Variants in USP20 observed in about 807,000 individuals in gnomAD.
USP20 encodes ubiquitin carboxyl-terminal hydrolase 20.
A neutral mutation model predicts 124.2 loss-of-function variants in USP20; 80 were observed. The observed-to-expected ratio is 0.64, with a 90% CI of 0.54 to 0.78. The LOEUF (loss-of-function observed/expected upper bound fraction) is 0.78. USP20 is among the 30% of genes least tolerant of loss of function. The pLI, the probability that USP20 is intolerant of heterozygous loss-of-function variation, is 0.00. For missense variants in USP20, 1,043 were observed against 1,244.4 expected, an observed-to-expected ratio of 0.84 and a Z score of 2.44; for synonymous variants, 481 against 512.3, an observed-to-expected ratio of 0.94 and a Z score of 0.83.
At chr9:129,854,113 G>A (rs1306869314) in intron 3 of USP20, among the ~76,000 whole-genome samples, 1 of 152,214 alleles carries the variant, frequency 6.6e-6, no homozygotes, top group African/African-American at 2.4e-5. Context: ...TAATGAAATA[G>A]GATGATACCA....
intron 1 of USP20, among the ~76,000 whole-genome samples, chr9:129,836,904 T>C (rs2031883354): frequency 6.6e-6 from 1 of 152,114 alleles, no homozygotes; most frequent in African/African-American, 2.4e-5. Flanking sequence ...GCTCTCACGC[T>C]CTCAGAGGTG....
At chr9:129,860,862 C>A (rs897880279) in intron 6 of USP20, 75 bp from the exon 7 acceptor site, 3 of 1,486,586 alleles carry the variant, frequency 2.0e-6, no homozygotes, top group Non-Finnish European at 1.9e-6. Context: ...GGACTTCCAG[C>A]CCTTGGGAGA....
chr9:129,875,068 G>T, intron 19 of USP20, 113 bp downstream of exon 19: 1 of 1,457,450 alleles, frequency 6.9e-7, no homozygotes, highest in East Asian at 2.4e-5. Context: ...AGGGAAGTAA[G>T]GACTTGGATT....
In USP20 at chr9:129,870,464, C is replaced by G. The variant is rs1208941076; in HGVS notation, c.1577C>G (p.Ser526Cys). The change falls in exon 15 of 26, where the codon TCC becomes TGC. Residue 526 changes from serine (S) to cysteine (C), a missense_variant. Coordinates refer to ENST00000372429, the MANE Select transcript of USP20 (RefSeq NM_001110303.4). ...TTTTCTGTCTGTAGGTTTGTGGTAT[C>G]CTGTACCCCCAGCTGGTTTTGGGGG... ...IVEYIRRFVV[S>C]CTPSWFWGPV... is the part of the protein sequence containing the mutation. 1 of 1,614,032 alleles carries G rather than the reference C, an allele frequency of 6.2e-7. No individual in the cohort carries two copies. Among genetic ancestry groups the G allele is most frequent in the Non-Finnish European group, 8.5e-7 (1 of 1,180,030 alleles).
intron 1 of USP20, among the ~76,000 whole-genome samples, chr9:129,844,418 G>T (rs1036319065): frequency 2.0e-5 from 3 of 151,922 alleles, no homozygotes; most frequent in Non-Finnish European, 4.4e-5. Context: ...TTGAGCTCTG[G>T]AGTTTGAGAC....
Position 129,879,469 on chromosome 9 carries a change from G to A in USP20, c.2513-104G>A, listed in dbSNP as rs957983081. 1.3e-5 allele frequency: 16 copies of A among 1,187,852 alleles called. No homozygotes were observed. The highest frequency in any genetic ancestry group is 1.1e-4 in the African/African-American group (7 of 66,058). 73.6% of individuals were successfully genotyped at this position (1,187,852 alleles called of 1,614,324 possible). A position where few individuals can be genotyped will look rare whatever the true frequency, so the allele number is the denominator to read the frequency against. ...GCGCCTCATCCATTAGAGACTTCACGCTGACCCCCAGGCCTGGGGCGGCCC... is the reference window on the plus strand; with the variant it reads ...GCGCCTCATCCATTAGAGACTTCACACTGACCCCCAGGCCTGGGGCGGCCC... On this transcript the variant is annotated intron_variant, in intron 23 of 25. Coordinates refer to ENST00000372429, the MANE Select transcript of USP20 (RefSeq NM_001110303.4). This position sits in a 1 kb window ranked among gnomAD's most constrained non-coding sequence, Gnocchi z 4.2.
At chr9:129,846,247 A>ATATATATATGTATTTTTTTTTT in intron 1 of USP20, among the ~76,000 whole-genome samples, 59 of 32,682 alleles carry the variant, frequency 1.8e-3, no homozygotes, top group Non-Finnish European at 2.6e-3. Flanking sequence ...ATATATATAT[A>ATATATATATGTATTTTTTTTTT]TTTTTTTTTT....
rs201626785 is a variant in USP20, at chr9:129,858,059, C to G, written c.145C>G (p.Pro49Ala). The G allele has an allele frequency of 7.5e-4, 1,210 of 1,613,954 alleles. 1 individual carries two copies. Among genetic ancestry groups the G allele is most frequent in the Non-Finnish European group, 9.9e-4 (1,163 of 1,179,944 alleles). Residue 49 changes from proline (P) to alanine (A), a missense_variant, in exon 5 of 26, where the codon CCC becomes GCC. Pro to Ala is a conservative substitution (Grantham distance 27, BLOSUM62 -1). Transcript: ENST00000372429. ...TTCCCTCTCTTCCCAGGTTGCCTGC[C>G]CCTATGTTGGCTGCGGAGAATCCTT... ...NLWACLQVACPYVGCGESFAD... is the reference protein window; with the variant it reads ...NLWACLQVACAYVGCGESFAD...
intron 11 of USP20, 129 bp downstream of exon 11, chr9:129,868,578 G>T: frequency 2.8e-6 from 4 of 1,441,614 alleles, no homozygotes; most frequent in Non-Finnish European, 2.7e-6. Context: ...CAGTGGGGAA[G>T]TCAGCCTCCG....
At position 129,863,187 on chromosome 9, in the gene USP20, C is replaced by A; in HGVS notation, c.499C>A (p.Pro167Thr). 1 of 1,529,528 alleles carries A rather than the reference C, an allele frequency of 6.5e-7. No homozygotes were observed. The highest frequency in any genetic ancestry group is 8.9e-7 in the Non-Finnish European group (1 of 1,129,842). The allele number at this position is 1,529,528 out of a possible 1,614,324, so 94.7% of individuals were successfully genotyped here. A position where few individuals can be genotyped will look rare whatever the true frequency, so the allele number is the denominator to read the frequency against. ...TGGCTCTCTCTCCCCTGCACCCAGC[C>A]CGCCGCTGACTCAGTTCTTCTTGGA... ...NAALQALSNC[P>T]PLTQFFLECG... The change falls in exon 9 of 26, where the codon CCG (proline) becomes ACG (threonine). Residue 167 changes from proline (P) to threonine (T), a missense_variant and splice_region_variant. Coordinates refer to ENST00000372429, the MANE Select transcript of USP20 (RefSeq NM_001110303.4).
intron 1 of USP20, 57 bp from the exon 2 acceptor site, chr9:129,849,756 G>C (rs7027714): frequency 0.15 from 22,709 of 152,360 alleles, 2,263 homozygotes; most frequent in African/African-American, 0.28. Context: ...CGAGCAAGAG[G>C]CTGTCTTAAA....
chr9:129,853,094 C>T (rs2033015467), intron 3 of USP20, among the ~76,000 whole-genome samples: 1 of 152,138 alleles, frequency 6.6e-6, no homozygotes, highest in Non-Finnish European at 1.5e-5. Context: ...ACAAATGAAA[C>T]AGGACAAAAA....
Position 129,868,450 on chromosome 9 carries a change from G to T in USP20, c.1135+1G>T. 1 of 1,608,858 alleles carries T rather than the reference G, an allele frequency of 6.2e-7. No individual in the cohort carries two copies. The highest frequency in any genetic ancestry group is 8.5e-7 in the Non-Finnish European group (1 of 1,177,170). On this transcript the variant is annotated splice_donor_variant, in intron 11 of 25. Transcript: ENST00000372429. LOFTEE classifies it high-confidence loss of function. The stretch of plus-strand genomic sequence containing the variant: ...TCCTCCAGCCCCTGCCGGACGCCAG[G>T]TATCAGCTGGCCGGGGACTGCGGGA...
In USP20 at chr9:129,875,432, C is replaced by T. The variant is rs766157763; in HGVS notation, c.2171C>T (p.Ala724Val). 43 of 1,613,728 alleles carry T rather than the reference C, an allele frequency of 2.7e-5. No homozygotes were observed. Among genetic ancestry groups the T allele is most frequent in the African/African-American group, 8.0e-5 (6 of 75,042 alleles). The change falls in exon 20 of 26, where the codon GCG becomes GTG. Residue 724 changes from alanine (A) to valine (V), a missense_variant. Ala to Val is a moderately conservative substitution (Grantham distance 64). Coordinates refer to ENST00000372429, the MANE Select transcript of USP20 (RefSeq NM_001110303.4). ...REWLNKFNTFAEPGPITNQTF... is the reference protein window; with the variant it reads ...REWLNKFNTFVEPGPITNQTF... ...TGGCTCAACAAGTTCAACACCTTCG[C>T]GGAGCCAGGCCCCATCACCAACCAG...
At chr9:129,853,386 T>C (rs141888349) in intron 3 of USP20, among the ~76,000 whole-genome samples, 144 of 152,344 alleles carry the variant, frequency 9.5e-4, no homozygotes, top group African/African-American at 3.2e-3. Context: ...TCATATTTCA[T>C]CATGTGGCCA....
chr9:129,870,047 C>T (rs2034038817), intron 14 of USP20: 1 of 651,642 alleles, frequency 1.5e-6, no homozygotes, highest in Non-Finnish European at 2.6e-6. Flanking sequence ...TTGGATAGTC[C>T]CTTGGAGCTG....
intron 22 of USP20, among the ~76,000 whole-genome samples, chr9:129,878,096 C>T (rs2034482550): frequency 1.3e-5 from 2 of 152,168 alleles, no homozygotes; most frequent in Admixed American, 6.5e-5. Flanking sequence ...CCCTTGTGGT[C>T]TCAGTTGGGT....
At chr9:129,866,261 A>C (rs1057263007) in intron 10 of USP20, among the ~76,000 whole-genome samples, 4 of 152,158 alleles carry the variant, frequency 2.6e-5, no homozygotes, top group Admixed American at 2.0e-4. Context: ...CCCAGGATGA[A>C]GTCTGCTGGG....
intron 1 of USP20, among the ~76,000 whole-genome samples, chr9:129,840,766 C>CTTTT (rs34092925): frequency 4.2e-5 from 5 of 120,472 alleles, no homozygotes; most frequent in South Asian, 5.6e-4. Context: ...CCTTTAGAAA[C>CTTTT]TTTTTTTTTT....
Sources: gnomAD v4.1 joint callset for allele counts (sites outside exome capture counted in the v4.1 genomes callset) on GRCh38, gnomAD v4.1.1 for gene constraint, Gnocchi (gnomAD v3.1) non-coding constraint, MANE v1.5 for transcripts, NCBI Gene and HGNC (gene_info 2026-07-23, HGNC 2026-07-21) for gene names.